ROBO1: variants seen among roughly 807,000 people sequenced by gnomAD.
ROBO1 encodes the protein roundabout guidance receptor 1, also known as roundabout homolog 1.
A neutral mutation model predicts 195.9 loss-of-function variants in ROBO1; 149 were observed. The observed-to-expected ratio is 0.76, with a 90% CI of 0.67 to 0.87. ROBO1 has a LOEUF of 0.87. Ranked by LOEUF, ROBO1 falls within the 40% of genes least tolerant of loss-of-function variation. The pLI is 0.00. For synonymous variants in ROBO1, 816 were observed against 733.2 expected, an observed-to-expected ratio of 1.11 and a Z score of -1.82; for missense variants, 1,933 against 2,068.3, an observed-to-expected ratio of 0.93 and a Z score of 1.27.
chr3:78,771,695 A>T (rs1431232845), intron 4 of ROBO1, among the ~76,000 whole-genome samples: 1 of 152,082 alleles, frequency 6.6e-6, no homozygotes, highest in African/African-American at 2.4e-5. Context: ...TTTGGCACTC[A>T]GCTTGAATGT....
At chr3:78,875,458 T>C (rs370109367) in intron 4 of ROBO1, among the ~76,000 whole-genome samples, 6 of 152,064 alleles carry the variant, frequency 3.9e-5, no homozygotes, top group Middle Eastern at 3.4e-3. Flanking sequence ...ATATAAATGA[T>C]ATAGATAAAA....
Position 79,021,556 on chromosome 3 carries a change from A to T in ROBO1, c.173-82629T>A, listed in dbSNP as rs530605978. Among the ~76,000 whole-genome samples the T allele has an allele frequency of 2.0e-5, 3 of 151,552 alleles. No homozygotes were observed. The East Asian group carries it at 5.8e-4, about 29-fold the overall frequency. ...CGTATCTCTCAAGATTTCTTTTGCC[A>T]TTTATCTCATTGAATGCAAACCATA... is the stretch of plus-strand genomic sequence containing the variant. On this transcript the variant is annotated intron_variant, in intron 3 of 30. Coordinates refer to ENST00000464233, the MANE Select transcript of ROBO1 (RefSeq NM_002941.4).
intron 2 of ROBO1, among the ~76,000 whole-genome samples, chr3:79,525,786 A>G (rs1056145169): frequency 6.6e-6 from 1 of 151,604 alleles, no homozygotes; most frequent in Non-Finnish European, 1.5e-5. Context: ...TTGTATTTTT[A>G]GTAGAGACGG....
At chr3:79,717,175 G>T (rs957540978) in intron 1 of ROBO1, among the ~76,000 whole-genome samples, 1 of 151,134 alleles carries the variant, frequency 6.6e-6, no homozygotes, top group Non-Finnish European at 1.5e-5. Flanking sequence ...TACTTTAAAT[G>T]TGACTATTTT....
intron 1 of ROBO1, among the ~76,000 whole-genome samples, chr3:79,709,477 G>A (rs1159653413): frequency 6.6e-6 from 1 of 151,706 alleles, no homozygotes; most frequent in South Asian, 2.1e-4. Flanking sequence ...TGGAGAGAGA[G>A]GAAAAGGTTT....
In ROBO1 at chr3:78,675,161, T is replaced by TAA. The variant is rs111725105; in HGVS notation, c.1343-4862_1343-4861dup. On this transcript the variant is annotated intron_variant, in intron 10 of 30. Transcript: ENST00000464233. ...TTTTTTCTTTGTTTCATCCACTCAT[T>TAA]AAAAAAAAAAAAAATCAGCTGGCAG... Among the ~76,000 whole-genome samples, 246 of 141,640 alleles carry TAA rather than the reference T, an allele frequency of 1.7e-3. 1 individual carries two copies. The highest frequency in any genetic ancestry group is 6.1e-3 in the African/African-American group (237 of 38,926). The allele number at this position is 141,640 out of a possible 152,430, so 92.9% of individuals were successfully genotyped here. A position where few individuals can be genotyped will look rare whatever the true frequency, so the allele number is the denominator to read the frequency against.
At chr3:78,934,657 T>C (rs1186717902) in intron 4 of ROBO1, among the ~76,000 whole-genome samples, 1 of 151,936 alleles carries the variant, frequency 6.6e-6, no homozygotes, top group Admixed American at 6.6e-5. Flanking sequence ...TGCTGATATC[T>C]CAGAACTCAG....
At chr3:78,602,035 CAT>C (rs1559631534) in intron 29 of ROBO1, among the ~76,000 whole-genome samples, 1 of 86,122 alleles carries the variant, frequency 1.2e-5, no homozygotes. Context: ...GTATATCATT[CAT>C]GTGTGTGAGT....
chr3:78,775,970 C>A (rs2083494185), intron 4 of ROBO1, among the ~76,000 whole-genome samples: 1 of 152,174 alleles, frequency 6.6e-6, no homozygotes, highest in Non-Finnish European at 1.5e-5. Context: ...CATAAGCTTT[C>A]CATGTATGCA....
intron 4 of ROBO1, among the ~76,000 whole-genome samples, chr3:78,898,386 T>G (rs868684968): frequency 0.011 from 1,437 of 134,394 alleles, 27 homozygotes; most frequent in African/African-American, 0.039. Flanking sequence ...TAGGGTTTTT[T>G]TTTTTTTTTT....
intron 2 of ROBO1, among the ~76,000 whole-genome samples, chr3:79,378,746 T>G (rs1392023770): frequency 6.6e-6 from 1 of 152,196 alleles, no homozygotes; most frequent in Non-Finnish European, 1.5e-5. Flanking sequence ...AGAAGAGAAG[T>G]AAACTTTTCC....
At chr3:79,117,812 T>C (rs548067572) in intron 3 of ROBO1, among the ~76,000 whole-genome samples, 2 of 152,274 alleles carry the variant, frequency 1.3e-5, no homozygotes, top group African/African-American at 2.4e-5. Context: ...CTGATGTCTA[T>C]GATAGTGAAA....
chr3:79,446,998 AT>A (rs79447547), intron 2 of ROBO1, among the ~76,000 whole-genome samples: 215 of 143,130 alleles, frequency 1.5e-3, no homozygotes, highest in Middle Eastern at 3.6e-3. Flanking sequence ...TAATTTTTGT[AT>A]TTTTTTTTTT....
chr3:79,749,424 C>T (rs11713762), intron 1 of ROBO1, among the ~76,000 whole-genome samples: 57,501 of 151,982 alleles, frequency 0.38, 11,189 homozygotes, highest in East Asian at 0.44. Context: ...AAATTCAAGC[C>T]ACCTGCAGAA....
chr3:78,684,347 T>C (rs1396746595), intron 10 of ROBO1, among the ~76,000 whole-genome samples: 1 of 152,088 alleles, frequency 6.6e-6, no homozygotes, highest in Non-Finnish European at 1.5e-5. Flanking sequence ...TCAATGATGA[T>C]AAAAGTCAGA....
chr3:78,803,761 A>G (rs1160659362), intron 4 of ROBO1, among the ~76,000 whole-genome samples: 1 of 152,140 alleles, frequency 6.6e-6, no homozygotes, highest in African/African-American at 2.4e-5. Context: ...TGCTTACAAA[A>G]CTAGCAGAAC....
At chr3:79,047,149 T>C (rs1460970045) in intron 3 of ROBO1, among the ~76,000 whole-genome samples, 2 of 151,842 alleles carry the variant, frequency 1.3e-5, no homozygotes, top group Non-Finnish European at 2.9e-5. Flanking sequence ...CAGGAGGAGG[T>C]GAGAGCCTGT....
intron 2 of ROBO1, among the ~76,000 whole-genome samples, chr3:79,475,544 C>T (rs1047637223): frequency 6.6e-6 from 1 of 151,786 alleles, no homozygotes; most frequent in Non-Finnish European, 1.5e-5. Flanking sequence ...AAATTATAAC[C>T]ACAAATATTG....
chr3:79,505,163 A>C (rs1284674760), intron 2 of ROBO1, among the ~76,000 whole-genome samples: 1 of 152,164 alleles, frequency 6.6e-6, no homozygotes, highest in Non-Finnish European at 1.5e-5. Context: ...CATTAACTGA[A>C]GAATTCAGCT....
Sources: allele counts gnomAD v4.1 joint callset (sites outside exome capture counted in the v4.1 genomes callset), GRCh38; gene constraint gnomAD v4.1.1; transcripts MANE v1.5; gene names NCBI Gene and HGNC (gene_info 2026-07-23, HGNC 2026-07-21).